ANO5: variants seen among roughly 807,000 people sequenced by gnomAD.
ANO5 encodes the protein anoctamin 5, also known as anoctamin-5.
ANO5 carries 109 observed loss-of-function variants against 121.0 expected under a neutral mutation model. That is an observed-to-expected ratio of 0.90 (90% CI 0.77 to 1.06). The LOEUF is 1.06. ANO5 is among the 50% of genes least tolerant of loss of function. The probability of loss-of-function intolerance (pLI) is 0.00; values close to 1 mark genes in which losing one functional copy is unlikely to be tolerated. For synonymous variants in ANO5, 406 were observed against 359.9 expected, an observed-to-expected ratio of 1.13 and a Z score of -1.45; for missense variants, 1,064 against 1,078.5, an observed-to-expected ratio of 0.99 and a Z score of 0.19.
chr11:22,271,093 C>T (rs1854594876), intron 18 of ANO5, among the ~76,000 whole-genome samples: 1 of 152,188 alleles, frequency 6.6e-6, no homozygotes, highest in East Asian at 1.9e-4. Flanking sequence ...CGCTCTGTCG[C>T]TCAGGCTGGA....
In ANO5 at chr11:22,279,974, C is replaced by T. The variant is rs1465518650; in HGVS notation, c.*209C>T. 8 of 558,790 alleles carry T rather than the reference C, an allele frequency of 1.4e-5. No homozygotes were observed. The highest frequency in any genetic ancestry group is 2.5e-5 in the Non-Finnish European group (8 of 316,920). 34.6% of individuals were successfully genotyped at this position (558,790 alleles called of 1,614,324 possible). On this transcript the variant is annotated 3_prime_UTR_variant, in exon 22 of 22. Coordinates refer to ENST00000324559, the MANE Select transcript of ANO5 (RefSeq NM_213599.3). ...TACTTCTCTGCTTCATTGACTGGGC[C>T]CTCTCCAGATGTTGTTTTCTGAGGT...
chr11:22,216,423 C>T (rs966017794), intron 3 of ANO5, among the ~76,000 whole-genome samples: 3 of 151,766 alleles, frequency 2.0e-5, no homozygotes, highest in Non-Finnish European at 4.4e-5. Context: ...CTTGTGATTT[C>T]AATTCTCATT....
rs73483418 is a variant in ANO5, at chr11:22,269,701, T to C, written c.1899-611T>C. On this transcript the variant is annotated intron_variant, in intron 17 of 21. Coordinates refer to ENST00000324559, the MANE Select transcript of ANO5 (RefSeq NM_213599.3). ...TAGGTTTTAATAGGTCCTTAAAATA[T>C]ATCAAATGCATTTTTCTGCATCAAT... Among the ~76,000 whole-genome samples the C allele has an allele frequency of 9.0e-3, 1,370 of 152,248 alleles. 29 individuals are homozygous for C. Among genetic ancestry groups the C allele is most frequent in the African/African-American group, 0.032 (1,328 of 41,558 alleles).
intron 15 of ANO5, among the ~76,000 whole-genome samples, chr11:22,259,948 G>GAAAAAA (rs36077990): frequency 7.0e-6 from 1 of 142,298 alleles, no homozygotes. Flanking sequence ...CAAAATAACT[G>GAAAAAA]AAAAAAAAAA....
In ANO5 at chr11:22,272,989, TG is replaced by T. The variant is rs770869940; in HGVS notation, c.2235+1del. 1 of 1,613,670 alleles carries T rather than the reference TG, an allele frequency of 6.2e-7. No homozygotes were observed. Among genetic ancestry groups the T allele is most frequent in the South Asian group, 1.1e-5 (1 of 91,066 alleles). ...TGGCTGTCCTTTCTGTTGCAACTAA[TG>T]TAAGTGGACCTATTTCGGTGGGGTG... On this transcript the variant is annotated splice_donor_variant, in intron 19 of 21. Coordinates refer to ENST00000324559, the MANE Select transcript of ANO5 (RefSeq NM_213599.3). LOFTEE classifies it high-confidence loss of function.
At chr11:22,246,856 C>CAAAAAAAAAAAAAA (rs10565920) in intron 9 of ANO5, among the ~76,000 whole-genome samples, 18 of 62,180 alleles carry the variant, frequency 2.9e-4, no homozygotes, top group East Asian at 4.4e-4. Flanking sequence ...GACCCTGTTT[C>CAAAAAAAAAAAAAA]AAAAAAAAAA....
chr11:22,239,497 C>A, intron 8 of ANO5, 72 bp from the exon 9 acceptor site: 1 of 1,019,154 alleles, frequency 9.8e-7, no homozygotes, highest in Non-Finnish European at 1.6e-6. Context: ...ATTCTTAGAA[C>A]AGCAGTGTTT....
intron 15 of ANO5, 106 bp from the exon 16 acceptor site, chr11:22,262,023 A>G (rs530580635): frequency 2.0e-5 from 22 of 1,084,914 alleles, no homozygotes; most frequent in African/African-American, 1.1e-4. Flanking sequence ...GGAGCATTCT[A>G]TAGGCTCCCA....
chr11:22,259,993 T>A (rs923886290), intron 15 of ANO5, among the ~76,000 whole-genome samples: 2 of 151,688 alleles, frequency 1.3e-5, no homozygotes, highest in Non-Finnish European at 2.9e-5. Flanking sequence ...TTTCTCAGTA[T>A]CCTTGTCTTA....
Position 22,193,388 on chromosome 11 carries a change from C to A in ANO5, c.-105C>A. ...AGAAGTCCAGCAGCAGCAACTCCGG[C>A]GGCCCACAGTCAGATTCAGCACCTG... On this transcript the variant is annotated 5_prime_UTR_variant, in exon 1 of 22. Transcript: ENST00000324559. The A allele has an allele frequency of 1.3e-6, 2 of 1,512,978 alleles. No homozygotes were observed. Among genetic ancestry groups the A allele is most frequent in the Non-Finnish European group, 1.8e-6 (2 of 1,129,452 alleles). 93.7% of individuals were successfully genotyped at this position (1,512,978 alleles called of 1,614,324 possible). A position where few individuals can be genotyped will look rare whatever the true frequency, so the allele number is the denominator to read the frequency against.
At position 22,227,601 on chromosome 11, in the gene ANO5, C is replaced by A. The variant is rs755901117; in HGVS notation, c.648+15C>A. 5.0e-6 allele frequency: 8 copies of A among 1,612,328 alleles called. No homozygotes were observed. The African/African-American group carries it at 9.4e-5, about 19-fold the overall frequency. ...GAAACAGAATTGTAGGTAGAGAAGA[C>A]CTTTGGGCACATCCCTTCAAATACG... is the stretch of plus-strand genomic sequence containing the variant. On this transcript the variant is annotated intron_variant, in intron 7 of 21. Transcript: ENST00000324559.
chr11:22,204,048 A>G (rs1852041815), intron 2 of ANO5, among the ~76,000 whole-genome samples, 198 bp downstream of exon 2: 1 of 152,098 alleles, frequency 6.6e-6, no homozygotes, highest in Non-Finnish European at 1.5e-5. Flanking sequence ...TTATAAGGGA[A>G]CAAATAGATC....
intron 15 of ANO5, among the ~76,000 whole-genome samples, chr11:22,260,464 A>T (rs565746876): frequency 6.6e-6 from 1 of 152,178 alleles, no homozygotes; most frequent in African/African-American, 2.4e-5. Context: ...GCAAAAGACC[A>T]CATTATTCAG....
rs543538086 is a variant in ANO5 at position 22,237,199 on chromosome 11, G to A, written c.762+923G>A. On this transcript the variant is annotated intron_variant, in intron 8 of 21. Coordinates refer to ENST00000324559, the MANE Select transcript of ANO5 (RefSeq NM_213599.3). ...GACTTTTTGGTGATGTATTCTCTTT[G>A]TAAGAAATATAGTTCTCAGTAATAG... 2.0e-5 allele frequency among the ~76,000 whole-genome samples: 3 copies of A among 152,120 alleles called. No individual in the cohort carries two copies. In the South Asian group the frequency reaches 6.2e-4, roughly 32 times the overall value.
chr11:22,254,197 G>A (rs1038519408), intron 12 of ANO5, among the ~76,000 whole-genome samples: 1 of 152,166 alleles, frequency 6.6e-6, no homozygotes, highest in Non-Finnish European at 1.5e-5. Context: ...TTTGGAAGCT[G>A]AGAGAGCAAT....
In ANO5 at chr11:22,279,754, T is replaced by C; in HGVS notation, c.2731T>C (p.Ser911Pro). Residue 911 changes from serine to proline, a missense_variant, in exon 22 of 22, where the codon TCA becomes CCA. Physicochemically the swap from Ser to Pro is moderately conservative, Grantham distance 74. Coordinates refer to ENST00000324559, the MANE Select transcript of ANO5 (RefSeq NM_213599.3). ...GGAAAACAAAGCACAGCTGGCTAAATCAACACTCTAATCAGTATAGTGAGG... is the reference window on the plus strand; with the variant it reads ...GGAAAACAAAGCACAGCTGGCTAAACCAACACTCTAATCAGTATAGTGAGG... ...IEENKAQLAK[S>P]TL is the part of the protein sequence containing the mutation. 1 of 1,611,616 alleles carries C rather than the reference T, an allele frequency of 6.2e-7. No individual in the cohort carries two copies. Among genetic ancestry groups the C allele is most frequent in the Non-Finnish European group, 8.5e-7 (1 of 1,178,532 alleles).
At chr11:22,236,781 A>T (rs1313921440) in intron 8 of ANO5, among the ~76,000 whole-genome samples, 2 of 152,220 alleles carry the variant, frequency 1.3e-5, no homozygotes, top group Non-Finnish European at 2.9e-5. Context: ...GAAATAAAGC[A>T]TGTGTACAAC....
chr11:22,209,986 T>C (rs1487747756), intron 2 of ANO5, among the ~76,000 whole-genome samples: 1 of 151,994 alleles, frequency 6.6e-6, no homozygotes, highest in Non-Finnish European at 1.5e-5. Context: ...GCACAGCATA[T>C]TTTTAGAGGC....
chr11:22,214,683 G>A (rs2133564676), intron 3 of ANO5, among the ~76,000 whole-genome samples: 1 of 152,030 alleles, frequency 6.6e-6, no homozygotes, highest in East Asian at 1.9e-4. Flanking sequence ...CCTTAGGAAG[G>A]AAAACACTAT....
Sources: allele counts gnomAD v4.1 joint callset (sites outside exome capture counted in the v4.1 genomes callset), GRCh38; gene constraint gnomAD v4.1.1; transcripts MANE v1.5; gene names NCBI Gene and HGNC (gene_info 2026-07-23, HGNC 2026-07-21).